Variants in FXN observed in about 807,000 individuals in gnomAD.
The protein encoded by FXN is frataxin, also known as frataxin, mitochondrial.
FXN carries 14 observed loss-of-function variants against 22.4 expected under a neutral mutation model. The ratio of observed to expected loss-of-function variants is 0.62; its 90% CI spans 0.41 to 0.98. The LOEUF is 0.98. Among genes scored for constraint, FXN ranks in the 50% least tolerant of loss-of-function variants. FXN has a pLI of 0.00. For synonymous variants in FXN, 120 were observed against 114.1 expected, an observed-to-expected ratio of 1.05 and a Z score of -0.33; for missense variants, 267 against 268.4, an observed-to-expected ratio of 0.99 and a Z score of 0.04.
rs1049461979 is a variant in FXN at position 69,078,425 on chromosome 9, T to C, written c.*5663T>C. On this transcript the variant is annotated 3_prime_UTR_variant, in exon 5 of 5. Coordinates refer to ENST00000484259, the MANE Select transcript of FXN (RefSeq NM_000144.5). ...TTTTCACCTGCATTTTTGCAGGAGC[T>C]TTCTTATATCCACCTTCCTCCTTTT... 7 of 985,340 alleles carry C rather than the reference T, an allele frequency of 7.1e-6. No individual in the cohort carries two copies. The highest frequency in any genetic ancestry group is 1.7e-5 in the African/African-American group (1 of 57,232). 61.0% of individuals were successfully genotyped at this position (985,340 alleles called of 1,614,324 possible). A position where few individuals can be genotyped will look rare whatever the true frequency, so the allele number is the denominator to read the frequency against.
At chr9:69,065,298 T>C (rs1832149623) in intron 4 of FXN, among the ~76,000 whole-genome samples, 1 of 152,140 alleles carries the variant, frequency 6.6e-6, no homozygotes, top group African/African-American at 2.4e-5. Flanking sequence ...CCCAGCACTT[T>C]GGGAGGCCAA....
At position 69,074,346 on chromosome 9, in the gene FXN, CATGTT is replaced by C. The variant is rs1372977071; in HGVS notation, c.*1587_*1591del. The C allele has an allele frequency of 1.0e-6, 1 of 985,170 alleles. No homozygotes were observed. Among genetic ancestry groups the C allele is most frequent in the Non-Finnish European group, 1.2e-6 (1 of 829,886 alleles). 61.0% of individuals were successfully genotyped at this position (985,170 alleles called of 1,614,324 possible). On this transcript the variant is annotated 3_prime_UTR_variant, in exon 5 of 5. Transcript: ENST00000484259. ...ATTAAAATTCATGCAAAGTTATGCT[CATGTT>C]ATATTATTTTCTTACTTAAAGAAGG...
At chr9:69,060,264 G>C (rs549196910) in intron 3 of FXN, among the ~76,000 whole-genome samples, 1 of 152,016 alleles carries the variant, frequency 6.6e-6, no homozygotes, top group Non-Finnish European at 1.5e-5. Flanking sequence ...CCAGCTACTC[G>C]GGAAGCTGAG....
chr9:69,075,752 A>G lies in FXN; in HGVS notation c.*2990A>G. ...TTTTTTCCCCTTTCTATTTTTTGAG[A>G]CAGGATCTCACTTTGGCACTCAGGC... On this transcript the variant is annotated 3_prime_UTR_variant, in exon 5 of 5. Coordinates refer to ENST00000484259, the MANE Select transcript of FXN (RefSeq NM_000144.5). The G allele has an allele frequency of 1.0e-6, 1 of 964,740 alleles. No individual in the cohort carries two copies. The highest frequency in any genetic ancestry group is 4.8e-5 in the South Asian group (1 of 20,860). 59.8% of individuals were successfully genotyped at this position (964,740 alleles called of 1,614,324 possible).
chr9:69,039,025 G>T (rs904859472), intron 1 of FXN, among the ~76,000 whole-genome samples: 1 of 151,316 alleles, frequency 6.6e-6, no homozygotes, highest in Non-Finnish European at 1.5e-5. Context: ...GGCTGAGATG[G>T]GCGGATCACC....
chr9:69,045,726 C>G (rs1297652717), intron 1 of FXN, among the ~76,000 whole-genome samples: 1 of 152,122 alleles, frequency 6.6e-6, no homozygotes, highest in Non-Finnish European at 1.5e-5. Flanking sequence ...GAATTTACTC[C>G]GAAACTAGCT....
At chr9:69,048,931 C>G (rs1831805585) in intron 2 of FXN, among the ~76,000 whole-genome samples, 1 of 152,204 alleles carries the variant, frequency 6.6e-6, no homozygotes, top group Non-Finnish European at 1.5e-5. Context: ...CAAAGAGGCA[C>G]TGCATGCTGC....
chr9:69,057,949 C>G (rs113569362), intron 3 of FXN, among the ~76,000 whole-genome samples: 11 of 152,214 alleles, frequency 7.2e-5, no homozygotes, highest in African/African-American at 2.7e-4. Context: ...ATCCCAGTGT[C>G]TGGAACAGTG....
In FXN at chr9:69,078,531, G is replaced by A. The variant is rs75329120; in HGVS notation, c.*5769G>A. The A allele has an allele frequency of 3.4e-4, 339 of 985,398 alleles. 2 individuals carry two copies. In the African/African-American group the frequency reaches 5.8e-3, roughly 17 times the overall value. 61.0% of individuals were successfully genotyped at this position (985,398 alleles called of 1,614,324 possible). On this transcript the variant is annotated 3_prime_UTR_variant, in exon 5 of 5. Coordinates refer to ENST00000484259, the MANE Select transcript of FXN (RefSeq NM_000144.5). ...TCTCTTGTCTGTAAAACCTAAGCAG[G>A]ACCAAGGCCAAGTTTCTTAGCCTGA...
Position 69,072,653 on chromosome 9 carries a change from A to G in FXN, c.524A>G (p.Tyr175Cys). 6.2e-7 allele frequency: 1 copy of G among 1,613,960 alleles called. No homozygotes were observed. Among genetic ancestry groups the G allele is most frequent in the Non-Finnish European group, 8.5e-7 (1 of 1,180,002 alleles). The part of the protein sequence containing the change: ...RYDWTGKNWV[Y>C]SHDGVSLHEL... The stretch of plus-strand genomic sequence containing the variant: ...GACTGGACTGGGAAAAACTGGGTGT[A>G]CTCCCACGACGGCGTGTCCCTCCAT... Residue 175 changes from tyrosine (Y) to cysteine (C), a missense_variant, in exon 5 of 5, where the codon TAC (tyrosine) becomes TGC (cysteine). Tyr to Cys is a radical substitution (Grantham distance 194, BLOSUM62 -2). Transcript: ENST00000484259.
At chr9:69,053,992 A>G (rs1217738721) in intron 3 of FXN, among the ~76,000 whole-genome samples, 1 of 152,086 alleles carries the variant, frequency 6.6e-6, no homozygotes, top group African/African-American at 2.4e-5. Context: ...GATGATTCCA[A>G]TATGCAGCTA....
Position 69,056,045 on chromosome 9 carries a change from G to A in FXN, c.384+2785G>A, listed in dbSNP as rs917613104. ...ACTACAGGCACATGCCACCATACTCGGCTAATTATTTTATTTTATTTATGG... is the reference window on the plus strand; with the variant it reads ...ACTACAGGCACATGCCACCATACTCAGCTAATTATTTTATTTTATTTATGG... On this transcript the variant is annotated intron_variant, in intron 3 of 4. Coordinates refer to ENST00000484259, the MANE Select transcript of FXN (RefSeq NM_000144.5). 2.6e-5 allele frequency among the ~76,000 whole-genome samples: 4 copies of A among 151,492 alleles called. No homozygotes were observed. In the East Asian group the frequency reaches 7.8e-4, roughly 29 times the overall value.
In FXN at chr9:69,075,565, G is replaced by A. The variant is rs929124602; in HGVS notation, c.*2803G>A. The A allele has an allele frequency of 1.0e-5, 10 of 985,086 alleles. No individual in the cohort carries two copies. The highest frequency in any genetic ancestry group is 1.2e-5 in the Non-Finnish European group (10 of 829,828). The allele number at this position is 985,086 out of a possible 1,614,324, so 61.0% of individuals were successfully genotyped here. A position where few individuals can be genotyped will look rare whatever the true frequency, so the allele number is the denominator to read the frequency against. On this transcript the variant is annotated 3_prime_UTR_variant, in exon 5 of 5. Coordinates refer to ENST00000484259, the MANE Select transcript of FXN (RefSeq NM_000144.5). ...GCAAACTGGAAAAGTACCACTGTGT[G>A]TACCAATAGCCTCCCCACCACAGAC...
At chr9:69,051,331 C>T (rs1165772985) in intron 2 of FXN, among the ~76,000 whole-genome samples, 3 of 152,232 alleles carry the variant, frequency 2.0e-5, no homozygotes, top group South Asian at 2.1e-4. Flanking sequence ...ATCCTTCTCC[C>T]TTGGCCTCCC....
intron 4 of FXN, among the ~76,000 whole-genome samples, 161 bp downstream of exon 4, chr9:69,065,196 T>A (rs1377302753): frequency 6.6e-6 from 1 of 151,874 alleles, no homozygotes; most frequent in Non-Finnish European, 1.5e-5. Context: ...AGGACAGGAG[T>A]TCAGAACCAT....
intron 1 of FXN, among the ~76,000 whole-genome samples, chr9:69,043,767 A>G (rs1489710551): frequency 6.6e-6 from 1 of 152,200 alleles, no homozygotes; most frequent in Non-Finnish European, 1.5e-5. Flanking sequence ...TGTTTTTAGT[A>G]GAGGCGGGGT....
Position 69,073,289 on chromosome 9 carries a change from T to G in FXN, c.*527T>G, listed in dbSNP as rs1832307396. 1 of 1,003,524 alleles carries G rather than the reference T, an allele frequency of 1.0e-6. No homozygotes were observed. The highest frequency in any genetic ancestry group is 1.2e-6 in the Non-Finnish European group (1 of 840,372). 62.2% of individuals were successfully genotyped at this position (1,003,524 alleles called of 1,614,324 possible). A position where few individuals can be genotyped will look rare whatever the true frequency, so the allele number is the denominator to read the frequency against. The stretch of plus-strand genomic sequence containing the variant: ...TTAGCATTGAAGTGTCGAAAGCAAC[T>G]CACACGGGAAGATCATTTCTTATTT... On this transcript the variant is annotated 3_prime_UTR_variant, in exon 5 of 5. Transcript: ENST00000484259.
chr9:69,064,962 G>A lies in FXN; in HGVS notation c.409G>A (p.Gly137Ser). 6.2e-7 allele frequency: 1 copy of A among 1,613,728 alleles called. No homozygotes were observed. Among genetic ancestry groups the A allele is most frequent in the Non-Finnish European group, 8.5e-7 (1 of 1,179,722 alleles). Residue 137 changes from glycine to serine, a missense_variant, in exon 4 of 5, where the codon GGT becomes AGT. Transcript: ENST00000484259. ...GAGTGGTGTCTTAACTGTCAAACTG[G>A]GTGGAGATCTAGGAACCTATGTGAT... ...FGSGVLTVKL[G>S]GDLGTYVINK... is the part of the protein sequence containing the mutation.
chr9:69,066,519 A>G (rs1300146604), intron 4 of FXN, among the ~76,000 whole-genome samples: 1 of 152,064 alleles, frequency 6.6e-6, no homozygotes, highest in Admixed American at 6.6e-5. Flanking sequence ...AGTGTGCTGG[A>G]GGTTGGAGGA....
Sources: gnomAD v4.1 joint callset for allele counts (sites outside exome capture counted in the v4.1 genomes callset) on GRCh38, gnomAD v4.1.1 for gene constraint, MANE v1.5 for transcripts, NCBI Gene and HGNC (gene_info 2026-07-23, HGNC 2026-07-21) for gene names.